Variants in VGLL4 observed in about 807,000 individuals in gnomAD.
VGLL4 encodes transcription cofactor vestigial-like protein 4.
VGLL4 carries 7 observed loss-of-function variants against 21.0 expected under a neutral mutation model. That is an observed-to-expected ratio of 0.33 (90% confidence interval 0.19 to 0.63). The LOEUF is 0.63. Ranked by LOEUF, VGLL4 falls within the 20% of genes least tolerant of loss-of-function variation. The pLI is 0.78. For missense variants in VGLL4, 394 were observed against 425.7 expected (o/e 0.93, Z 0.66); for synonymous variants, 222 against 173.2 (o/e 1.28, Z -2.21).
chr3:11,624,416 C>G (rs2075316746), intron 1 of VGLL4, among the ~76,000 whole-genome samples: 1 of 152,174 alleles, frequency 6.6e-6, no homozygotes, highest in African/African-American at 2.4e-5. Context: ...TTTCAGAAAG[C>G]AAGATTTAGG....
chr3:11,691,597 C>T (rs946729951), intron 2 of VGLL4, among the ~76,000 whole-genome samples: 2 of 152,126 alleles, frequency 1.3e-5, no homozygotes, highest in African/African-American at 2.4e-5. Context: ...TGGTGGCTGC[C>T]CCTTGGACAG....
rs73814971 is a variant in VGLL4 at position 11,650,744 on chromosome 3, C to G, written c.65-48722G>C. ...ACACACACACACACACACACACACA[C>G]AGACACACACTTTAACCTGATGTAA... On this transcript the variant is annotated intron_variant, in intron 2 of 5. Coordinates refer to the VGLL4 transcript ENST00000273038. Among the ~76,000 whole-genome samples the G allele has an allele frequency of 5.4e-5, 8 of 146,822 alleles. No homozygotes were observed. The East Asian group carries it at 6.1e-4, about 11-fold the overall frequency.
At chr3:11,595,605 G>C (rs999463316) in intron 2 of VGLL4, among the ~76,000 whole-genome samples, 2 of 151,998 alleles carry the variant, frequency 1.3e-5, no homozygotes, top group Non-Finnish European at 2.9e-5. Context: ...AACAATGATA[G>C]ACTGGATTAA....
At chr3:11,666,068 G>A (rs1350083099) in intron 2 of VGLL4, among the ~76,000 whole-genome samples, 1 of 152,070 alleles carries the variant, frequency 6.6e-6, no homozygotes, top group Non-Finnish European at 1.5e-5. Flanking sequence ...GGCTAACACA[G>A]TGAAACCCCG....
At chr3:11,669,145 A>T (rs2076170175) in intron 2 of VGLL4, among the ~76,000 whole-genome samples, 1 of 152,262 alleles carries the variant, frequency 6.6e-6, no homozygotes. Flanking sequence ...GGCTTAGAAT[A>T]AATAGCATTT....
intron 2 of VGLL4, among the ~76,000 whole-genome samples, chr3:11,594,682 T>C (rs566264722): frequency 4.0e-4 from 61 of 152,332 alleles, no homozygotes; most frequent in African/African-American, 1.4e-3. Context: ...ATACACAAGA[T>C]ATTAAAATGC....
chr3:11,656,887 A>G (rs2075966865), intron 2 of VGLL4, among the ~76,000 whole-genome samples: 1 of 152,144 alleles, frequency 6.6e-6, no homozygotes, highest in African/African-American at 2.4e-5. Context: ...AGATGCCAGG[A>G]AAGAGAAGAG....
intron 1 of VGLL4, among the ~76,000 whole-genome samples, chr3:11,632,222 A>G (rs984888543): frequency 6.6e-6 from 1 of 152,114 alleles, no homozygotes. Context: ...CTGAGGCGGG[A>G]GAATGGCTTG....
intron 2 of VGLL4, among the ~76,000 whole-genome samples, chr3:11,650,974 T>C (rs1014640267): frequency 1.3e-5 from 2 of 152,188 alleles, no homozygotes; most frequent in Non-Finnish European, 2.9e-5. Context: ...TGTAAAACAC[T>C]ACACTGGTCA....
chr3:11,573,332 A>C (rs985199826), intron 2 of VGLL4, among the ~76,000 whole-genome samples: 60 of 61,440 alleles, frequency 9.8e-4, no homozygotes, highest in African/African-American at 2.6e-3. Context: ...AGAAAGAAAG[A>C]AAGAAAGAAA....
chr3:11,679,559 T>C (rs2076341373), intron 2 of VGLL4, among the ~76,000 whole-genome samples: 1 of 152,088 alleles, frequency 6.6e-6, no homozygotes. Context: ...AGCATGTGCC[T>C]GTAATCCCTG....
chr3:11,674,998 A>G (rs917616774), intron 2 of VGLL4, among the ~76,000 whole-genome samples: 2 of 152,194 alleles, frequency 1.3e-5, no homozygotes, highest in Admixed American at 1.3e-4. Context: ...TAAATGTTCA[A>G]ATCCAAGGGA....
At chr3:11,701,076 G>T (rs967410070) in intron 2 of VGLL4, among the ~76,000 whole-genome samples, 12 of 152,088 alleles carry the variant, frequency 7.9e-5, no homozygotes, top group African/African-American at 2.9e-4. Context: ...GACGCATGAT[G>T]ATAAGGTTTG....
chr3:11,704,322 G>A (rs530065521), intron 1 of VGLL4, among the ~76,000 whole-genome samples: 27 of 146,334 alleles, frequency 1.8e-4, no homozygotes, highest in Non-Finnish European at 3.7e-4. Context: ...GGCAGAGGTT[G>A]CGGTGAGCCG....
At chr3:11,584,969 T>TG (rs1253164374) in intron 2 of VGLL4, among the ~76,000 whole-genome samples, 1 of 152,104 alleles carries the variant, frequency 6.6e-6, no homozygotes, top group Admixed American at 6.6e-5. Flanking sequence ...TGTCACAACT[T>TG]GGTGACCTTC....
rs745616599 is a variant in VGLL4 at position 11,564,956 on chromosome 3, C to T, written c.336G>A (p.Glu112=). The change falls in exon 3 of 5, where the codon GAG becomes GAA. Residue 112 remains glutamate, a synonymous_variant. Transcript: ENST00000430365. Reference sequence around the variant, plus strand: ...GGCTCATGGTGGGGGCCACAGCGCGCTCGATGGGGCTGCGGCTCCGCTCCC... The same window carrying T: ...GGCTCATGGTGGGGGCCACAGCGCGTTCGATGGGGCTGCGGCTCCGCTCCC... ...DPRERSRSPI[E]RAVAPTMSLH... The T allele has an allele frequency of 1.3e-5, 21 of 1,561,648 alleles. No homozygotes were observed. The highest frequency in any genetic ancestry group is 4.0e-5 in the Admixed American group (2 of 50,594).
At chr3:11,602,054 C>A (rs764374432) in intron 1 of VGLL4, 32 bp from the exon 2 acceptor site, 1 of 1,489,694 alleles carries the variant, frequency 6.7e-7, no homozygotes, top group African/African-American at 1.4e-5. Flanking sequence ...AGTCACTAAG[C>A]AGGAGAAAGG....
rs975671964 is a variant in VGLL4, at chr3:11,653,973, C to G, written c.64+48998G>C. 6.6e-6 allele frequency among the ~76,000 whole-genome samples: 1 copy of G among 152,080 alleles called. No homozygotes were observed. Among genetic ancestry groups the G allele is most frequent in the African/African-American group, 2.4e-5 (1 of 41,402 alleles). On this transcript the variant is annotated intron_variant, in intron 2 of 5. Coordinates refer to the VGLL4 transcript ENST00000273038. The surrounding 1 kb of genome is among the most constrained non-coding windows in gnomAD (Gnocchi z 4.2). Reference sequence around the variant, plus strand: ...TCTCAACCAAGGAGATTCTGCCCTCCTCAGGAGACATCTGGCAATGTCTGG... The same window carrying G: ...TCTCAACCAAGGAGATTCTGCCCTCGTCAGGAGACATCTGGCAATGTCTGG...
intron 2 of VGLL4, among the ~76,000 whole-genome samples, chr3:11,686,489 T>G (rs2076451093): frequency 6.6e-6 from 1 of 152,128 alleles, no homozygotes; most frequent in South Asian, 2.1e-4. Context: ...GAGCGGTGGT[T>G]GCCAGGGGCT....
Sources: gnomAD v4.1 joint callset for allele counts (sites outside exome capture counted in the v4.1 genomes callset) on GRCh38, gnomAD v4.1.1 for gene constraint, Gnocchi (gnomAD v3.1) non-coding constraint, MANE v1.5 for transcripts, NCBI Gene and HGNC (gene_info 2026-07-23, HGNC 2026-07-21) for gene names.